The following PDCD4 variants were observed in gnomAD, a reference collection of about 807,000 sequenced individuals.
The protein encoded by PDCD4 is programmed cell death 4.
A neutral mutation model predicts 54.0 loss-of-function variants in PDCD4; 56 were observed. The ratio of observed to expected loss-of-function variants is 1.04; its 90% CI spans 0.84 to 1.30. PDCD4 has a LOEUF of 1.30. Ranked by LOEUF, PDCD4 falls within the 50% of genes most tolerant of loss-of-function variation. The probability of loss-of-function intolerance (pLI) is 0.00; values close to 1 mark genes in which losing one functional copy is unlikely to be tolerated. For missense variants in PDCD4, 584 were observed against 559.8 expected (o/e 1.04, Z -0.44); for synonymous variants, 186 against 194.8 (o/e 0.95, Z 0.37).
At chr10:110,875,456 A>G (rs1845487866) in intron 1 of PDCD4, among the ~76,000 whole-genome samples, 2 of 152,346 alleles carry the variant, frequency 1.3e-5, no homozygotes, top group South Asian at 4.1e-4. Flanking sequence ...TGAGTGGCAG[A>G]TATATCTGCC....
At chr10:110,890,126 T>G (rs1029501160) in intron 7 of PDCD4, among the ~76,000 whole-genome samples, 50 of 152,354 alleles carry the variant, frequency 3.3e-4, no homozygotes, top group African/African-American at 1.2e-3. Context: ...TTGGGAGTTA[T>G]GCTATTTGAT....
chr10:110,895,603 G>C (rs919135923), intron 10 of PDCD4, among the ~76,000 whole-genome samples: 5 of 152,162 alleles, frequency 3.3e-5, no homozygotes, highest in African/African-American at 1.2e-4. Context: ...CCAGTAATGG[G>C]ATTGTCGGGT....
intron 1 of PDCD4, chr10:110,872,258 C>T (rs898725605): frequency 6.6e-6 from 1 of 152,448 alleles, no homozygotes; most frequent in Non-Finnish European, 1.5e-5. Flanking sequence ...CTTTCTGAGC[C>T]CAGCCTGGAG....
Position 110,887,838 on chromosome 10 carries a change from G to C in PDCD4, c.729G>C (p.Leu243Phe). ...ATGTGGAAAAATCATTTGATAAATT[G>C]TTGAAAGATCTACCTGAATTAGCAC... ...TTDVEKSFDKLLKDLPELALD... is the reference protein window; with the variant it reads ...TTDVEKSFDKFLKDLPELALD... The change falls in exon 6 of 12, where the codon TTG becomes TTC. Residue 243 changes from leucine to phenylalanine, a missense_variant. Transcript: ENST00000280154. 1 of 1,613,620 alleles carries C rather than the reference G, an allele frequency of 6.2e-7. No individual in the cohort carries two copies. The highest frequency in any genetic ancestry group is 1.1e-5 in the South Asian group (1 of 91,068).
chr10:110,895,782 C>G (rs1400542040), intron 10 of PDCD4, among the ~76,000 whole-genome samples, 166 bp from the exon 11 acceptor site: 1 of 152,190 alleles, frequency 6.6e-6, no homozygotes, highest in South Asian at 2.1e-4. Context: ...TTGTAAAACA[C>G]TGTAACAAAT....
At chr10:110,875,532 G>A (rs1845489681) in intron 1 of PDCD4, among the ~76,000 whole-genome samples, 1 of 152,102 alleles carries the variant, frequency 6.6e-6, no homozygotes, top group South Asian at 2.1e-4. Flanking sequence ...CTAAAACTGT[G>A]TTGTTTTTAT....
At chr10:110,895,084 AT>A (rs1363536792) in intron 10 of PDCD4, among the ~76,000 whole-genome samples, 8 of 152,026 alleles carry the variant, frequency 5.3e-5, no homozygotes, top group African/African-American at 1.9e-4. Flanking sequence ...TATATTTTTA[AT>A]TTTAGATATC....
At chr10:110,881,169 T>C (rs1347664469) in intron 2 of PDCD4, 64 bp from the exon 3 acceptor site, 2 of 1,205,460 alleles carry the variant, frequency 1.7e-6, no homozygotes, top group Admixed American at 2.1e-5. Flanking sequence ...AACTTACCAC[T>C]ATATCTATAA....
rs148721791 is a variant in PDCD4 at position 110,877,619 on chromosome 10, T to C, written c.43+1549T>C. ...AAACACAGCTTTAAAATGTGTACTT[T>C]TTGTTTCCTAACTACAATAAGACCT... On this transcript the variant is annotated intron_variant, in intron 2 of 11. Coordinates refer to ENST00000280154, the MANE Select transcript of PDCD4 (RefSeq NM_014456.5). Among the ~76,000 whole-genome samples, 102 of 152,342 alleles carry C rather than the reference T, an allele frequency of 6.7e-4. 1 individual carries two copies. The highest frequency in any genetic ancestry group is 2.2e-3 in the African/African-American group (93 of 41,584).
chr10:110,894,283 TC>T (rs1270800865), intron 9 of PDCD4, 85 bp downstream of exon 9: 3 of 926,698 alleles, frequency 3.2e-6, no homozygotes, highest in Middle Eastern at 2.1e-4. Context: ...ATAATGTACA[TC>T]CTTTTTTTAA....
chr10:110,876,740 A>G lies in PDCD4; in HGVS notation c.43+670A>G, dbSNP rs372078640. The G allele has an allele frequency of 3.2e-5, 41 of 1,272,930 alleles. No homozygotes were observed. In the African/African-American group the frequency reaches 5.9e-4, roughly 18 times the overall value. 78.9% of individuals were successfully genotyped at this position (1,272,930 alleles called of 1,614,324 possible). On this transcript the variant is annotated intron_variant, in intron 2 of 11. Transcript: ENST00000280154. ...TCATAAAAATGAACAGTTTTGTGGA[A>G]TAGATGACCAAATGTGAGTAACTCA... is the stretch of plus-strand genomic sequence containing the variant.
intron 2 of PDCD4, among the ~76,000 whole-genome samples, chr10:110,877,937 A>G (rs908858639): frequency 6.6e-6 from 1 of 152,222 alleles, no homozygotes; most frequent in Non-Finnish European, 1.5e-5. Context: ...TAGGTATGTA[A>G]TACATGAAAG....
At chr10:110,878,794 G>A (rs1845545981) in intron 2 of PDCD4, among the ~76,000 whole-genome samples, 1 of 152,130 alleles carries the variant, frequency 6.6e-6, no homozygotes, top group African/African-American at 2.4e-5. Context: ...AGCTCTTGAA[G>A]CTTATAGACC....
intron 11 of PDCD4, among the ~76,000 whole-genome samples, chr10:110,896,570 TGGG>T (rs1301700586): frequency 1.3e-5 from 2 of 152,070 alleles, no homozygotes; most frequent in East Asian, 1.9e-4. Flanking sequence ...GTGTGTGTGT[TGGG>T]GGGTGTGTGG....
At chr10:110,873,261 TATC>T (rs1845450120) in intron 1 of PDCD4, among the ~76,000 whole-genome samples, 1 of 152,242 alleles carries the variant, frequency 6.6e-6, no homozygotes. Context: ...GCTTGAATAT[TATC>T]TGTAGTGCTT....
intron 8 of PDCD4, among the ~76,000 whole-genome samples, chr10:110,892,374 A>C (rs1278346578): frequency 6.6e-6 from 1 of 152,222 alleles, no homozygotes; most frequent in East Asian, 1.9e-4. Flanking sequence ...AATGGAAATA[A>C]AACTGCCAGT....
At chr10:110,879,239 A>G (rs1845554051) in intron 2 of PDCD4, among the ~76,000 whole-genome samples, 1 of 152,154 alleles carries the variant, frequency 6.6e-6, no homozygotes, top group Non-Finnish European at 1.5e-5. Flanking sequence ...TCTTCTGCCA[A>G]ATGAATCCCT....
Position 110,898,091 on chromosome 10 carries a change from A to C in PDCD4, c.*3A>C, listed in dbSNP as rs192041921. The stretch of plus-strand genomic sequence containing the variant: ...GTCTTAAACCAGAGAGCTACTGAAT[A>C]TAAGAACTCTTGCAGTCTTAGATGT... On this transcript the variant is annotated 3_prime_UTR_variant, in exon 12 of 12. Transcript: ENST00000280154. 57 of 1,558,104 alleles carry C rather than the reference A, an allele frequency of 3.7e-5. No homozygotes were observed. The highest frequency in any genetic ancestry group is 4.5e-5 in the Non-Finnish European group (51 of 1,144,016).
chr10:110,876,684 T>C, intron 2 of PDCD4: 1 of 1,219,702 alleles, frequency 8.2e-7, no homozygotes, highest in Non-Finnish European at 1.1e-6. Flanking sequence ...TTTTCCCTAA[T>C]TCTCCATGGT....
Sources: allele counts gnomAD v4.1 joint callset (sites outside exome capture counted in the v4.1 genomes callset), GRCh38; gene constraint gnomAD v4.1.1; transcripts MANE v1.5; gene names NCBI Gene and HGNC (gene_info 2026-07-23, HGNC 2026-07-21).